CARNMT1: variants seen among roughly 807,000 people sequenced by gnomAD.
CARNMT1 encodes the protein carnosine N-methyltransferase 1.
In CARNMT1, 28 loss-of-function variants were observed where a neutral mutation model predicts 49.6. That is an observed-to-expected ratio of 0.56 (90% CI 0.42 to 0.77). The LOEUF (loss-of-function observed/expected upper bound fraction) is 0.77. Ranked by LOEUF, CARNMT1 falls within the 30% of genes least tolerant of loss-of-function variation. CARNMT1 has a pLI of 0.00. For synonymous variants in CARNMT1, 178 were observed against 175.0 expected, an observed-to-expected ratio of 1.02 and a Z score of -0.13; for missense variants, 421 against 512.6, an observed-to-expected ratio of 0.82 and a Z score of 1.73.
intron 6 of CARNMT1, among the ~76,000 whole-genome samples, chr9:74,988,371 A>G (rs1200517120): frequency 6.6e-6 from 1 of 152,224 alleles, no homozygotes; most frequent in African/African-American, 2.4e-5. Context: ...AAGCACTTGA[A>G]TATTTATCTC....
chr9:75,028,234 C>T lies in CARNMT1; in HGVS notation c.8G>A (p.Arg3Gln), dbSNP rs1468407413. 2.2e-6 allele frequency: 3 copies of T among 1,380,756 alleles called. No homozygotes were observed. The highest frequency in any genetic ancestry group is 4.0e-5 in the Admixed American group (1 of 24,714). 85.5% of individuals were successfully genotyped at this position (1,380,756 alleles called of 1,614,324 possible). The change falls in exon 1 of 8, where the codon CGA becomes CAA. Residue 3 changes from arginine to glutamine, a missense_variant. Arg to Gln is a conservative substitution (Grantham distance 43). Around this residue, in one of 2 missense-constraint regions of CARNMT1, gnomAD observed 186 missense variants for 167.9 expected, o/e 1.11. Coordinates refer to ENST00000376834, the MANE Select transcript of CARNMT1 (RefSeq NM_152420.3). Reference sequence around the variant, plus strand: ...GGTGGGCGGCGGAGGGCGACGCCGTCGCTGCATCGCCGCCGCGGCCCTCGG... The same window carrying T: ...GGTGGGCGGCGGAGGGCGACGCCGTTGCTGCATCGCCGCCGCGGCCCTCGG... Reference protein sequence around the residue: MQRRRRPPPPTSR... With the variant: MQQRRRPPPPTSR...
At chr9:75,027,464 A>G in intron 1 of CARNMT1, 2 of 985,436 alleles carry the variant, frequency 2.0e-6, no homozygotes, top group Non-Finnish European at 2.4e-6. Context: ...GCATCATTCA[A>G]TCGCTCACAC....
At chr9:75,010,606 T>C (rs1466855441) in intron 3 of CARNMT1, among the ~76,000 whole-genome samples, 1 of 152,048 alleles carries the variant, frequency 6.6e-6, no homozygotes, top group African/African-American at 2.4e-5. Context: ...TACATGTAAC[T>C]GGAATACCAG....
At chr9:75,026,392 A>G (rs554915516) in intron 1 of CARNMT1, among the ~76,000 whole-genome samples, 1 of 152,354 alleles carries the variant, frequency 6.6e-6, no homozygotes, top group East Asian at 1.9e-4. Context: ...AAATGGGTCC[A>G]CCATATTCCC....
chr9:75,016,060 T>C (rs571327111), intron 3 of CARNMT1: 1 of 415,616 alleles, frequency 2.4e-6, no homozygotes, highest in African/African-American at 2.0e-5. Context: ...TTCTAAGTAA[T>C]TTCCCCTAAG....
At chr9:74,993,602 T>C (rs1259769914) in intron 6 of CARNMT1, among the ~76,000 whole-genome samples, 1 of 152,084 alleles carries the variant, frequency 6.6e-6, no homozygotes, top group East Asian at 1.9e-4. Flanking sequence ...AACCATGAAA[T>C]TGGAGCAATG....
intron 1 of CARNMT1, chr9:75,027,495 A>G (rs1822565417): frequency 1.0e-6 from 1 of 984,796 alleles, no homozygotes; most frequent in Non-Finnish European, 1.2e-6. Flanking sequence ...GTGCGTTCAC[A>G]GCGCCAAAGA....
At chr9:75,009,482 T>A (rs71507893) in intron 3 of CARNMT1, among the ~76,000 whole-genome samples, 8,405 of 152,186 alleles carry the variant, frequency 0.055, 435 homozygotes, top group East Asian at 0.26. Flanking sequence ...ACTACTCTGA[T>A]GCAGGAAAAA....
chr9:74,987,156 A>G (rs1027536173), intron 6 of CARNMT1, among the ~76,000 whole-genome samples: 7 of 152,236 alleles, frequency 4.6e-5, no homozygotes, highest in Non-Finnish European at 8.8e-5. Context: ...AATTGCAATA[A>G]GTACTTATTT....
At chr9:75,006,075 T>A (rs78760782) in intron 3 of CARNMT1, among the ~76,000 whole-genome samples, 1 of 151,736 alleles carries the variant, frequency 6.6e-6, no homozygotes, top group Non-Finnish European at 1.5e-5. Context: ...CTTTTTTTTT[T>A]GTGACAGAGT....
chr9:75,020,904 C>T (rs1822326826), intron 1 of CARNMT1, among the ~76,000 whole-genome samples: 1 of 152,146 alleles, frequency 6.6e-6, no homozygotes, highest in Non-Finnish European at 1.5e-5. Flanking sequence ...GGTTATGACA[C>T]CTATTTGCCA....
rs1832712295 is a variant in CARNMT1 at position 74,982,361 on chromosome 9, C to G, written c.*1406G>C. 1 of 152,172 alleles carries G rather than the reference C, an allele frequency of 6.6e-6. No homozygotes were observed. 9.4% of individuals were successfully genotyped at this position (152,172 alleles called of 1,614,324 possible). On this transcript the variant is annotated 3_prime_UTR_variant, in exon 8 of 8. Transcript: ENST00000376834. ...ATATTCAAGAAGAGTTCTTCCTTTT[C>G]TCCAAGAAAAGGCTAAAACATTAGT... is the stretch of plus-strand genomic sequence containing the variant.
At chr9:74,996,258 C>T (rs548162632) in intron 6 of CARNMT1, 189 bp downstream of exon 6, 1 of 485,688 alleles carries the variant, frequency 2.1e-6, no homozygotes, top group Non-Finnish European at 3.6e-6. Context: ...GAATATACAA[C>T]TTCTGAGCTT....
At chr9:75,023,786 T>C (rs1822445854) in intron 1 of CARNMT1, among the ~76,000 whole-genome samples, 1 of 152,222 alleles carries the variant, frequency 6.6e-6, no homozygotes, top group South Asian at 2.1e-4. Context: ...TAAGGCTCCT[T>C]CCATTCAAGG....
chr9:75,013,810 C>T (rs989955110), intron 3 of CARNMT1, among the ~76,000 whole-genome samples: 7 of 151,728 alleles, frequency 4.6e-5, no homozygotes, highest in Admixed American at 4.6e-4. Flanking sequence ...TCAAGACCAG[C>T]CTGTTCAACA....
chr9:74,990,905 C>T (rs886917584), intron 6 of CARNMT1, among the ~76,000 whole-genome samples: 1 of 150,884 alleles, frequency 6.6e-6, no homozygotes, highest in Admixed American at 6.6e-5. Flanking sequence ...GATTGTTTGA[C>T]TGGATAGTAA....
chr9:75,027,986 G>A, intron 1 of CARNMT1, 26 bp downstream of exon 1: 1 of 1,547,398 alleles, frequency 6.5e-7, no homozygotes, highest in Non-Finnish European at 8.7e-7. Context: ...GACGGTCTGG[G>A]CCGGGGTCCG....
chr9:75,011,052 TATGAAG>T (rs762380549), intron 3 of CARNMT1, among the ~76,000 whole-genome samples: 15 of 151,816 alleles, frequency 9.9e-5, no homozygotes, highest in Non-Finnish European at 2.1e-4. Context: ...CCCTTTAACA[TATGAAG>T]ATGTTCAGTT....
chr9:75,028,372 G>A (rs1169687568), upstream of CARNMT1: 18 of 1,301,382 alleles, frequency 1.4e-5, no homozygotes, highest in South Asian at 2.4e-5. Flanking sequence ...CTCCGCCCCC[G>A]CCACCCTCAG....
Sources: gnomAD v4.1 joint callset for allele counts (sites outside exome capture counted in the v4.1 genomes callset) on GRCh38, gnomAD v4.1.1 for gene constraint, gnomAD v4.1.1 regional missense constraint, MANE v1.5 for transcripts, NCBI Gene and HGNC (gene_info 2026-07-23, HGNC 2026-07-21) for gene names.